Variants in ARID2 observed in about 807,000 individuals in gnomAD.
ARID2 encodes the protein AT-rich interaction domain 2.
Under a neutral mutation model 184.6 loss-of-function variants are expected in ARID2, and 32 were observed. The observed-to-expected ratio is 0.17, with a 90% confidence interval of 0.13 to 0.23. The LOEUF (loss-of-function observed/expected upper bound fraction) is 0.23. Ranked by LOEUF, ARID2 falls within the 10% of genes least tolerant of loss-of-function variation. The probability of loss-of-function intolerance (pLI) is 1.00; values close to 1 mark genes in which losing one functional copy is unlikely to be tolerated. For synonymous variants in ARID2, 836 were observed against 772.6 expected (o/e 1.08, Z -1.36); for missense variants, 1,696 against 2,197.6 (o/e 0.77, Z 4.56).
At chr12:45,754,113 C>G (rs1402827491) in intron 3 of ARID2, among the ~76,000 whole-genome samples, 2 of 152,120 alleles carry the variant, frequency 1.3e-5, no homozygotes, top group Non-Finnish European at 2.9e-5. Context: ...TGAATACATT[C>G]TGGTTTAGTT....
chr12:45,855,915 T>A (rs1005420108), intron 15 of ARID2, among the ~76,000 whole-genome samples: 2 of 151,850 alleles, frequency 1.3e-5, no homozygotes, highest in Non-Finnish European at 2.9e-5. Context: ...TTTTGTAGAG[T>A]TGGGATCTCC....
intron 3 of ARID2, among the ~76,000 whole-genome samples, chr12:45,792,322 C>T (rs1392763742): frequency 6.6e-6 from 1 of 152,150 alleles, no homozygotes; most frequent in Non-Finnish European, 1.5e-5. Flanking sequence ...TCAAAATACA[C>T]TTCTTAATTT....
chr12:45,747,093 C>G (rs1401051265), intron 3 of ARID2, among the ~76,000 whole-genome samples: 1 of 152,078 alleles, frequency 6.6e-6, no homozygotes, highest in Non-Finnish European at 1.5e-5. Flanking sequence ...AACCTGGAAT[C>G]TAGGCATATT....
chr12:45,810,134 T>C (rs1022317611), intron 3 of ARID2, among the ~76,000 whole-genome samples: 1 of 152,242 alleles, frequency 6.6e-6, no homozygotes, highest in East Asian at 1.9e-4. Flanking sequence ...TAAGTCATTA[T>C]ATATCAATCA....
chr12:45,801,798 G>A (rs1273297591), intron 3 of ARID2, among the ~76,000 whole-genome samples: 1 of 151,850 alleles, frequency 6.6e-6, no homozygotes, highest in Non-Finnish European at 1.5e-5. Flanking sequence ...ATTGGGGGGT[G>A]GGGGACAGAG....
chr12:45,750,315 A>G (rs1316704554), intron 3 of ARID2, among the ~76,000 whole-genome samples: 1 of 152,226 alleles, frequency 6.6e-6, no homozygotes, highest in Non-Finnish European at 1.5e-5. Flanking sequence ...TTATGTGGGT[A>G]CAGTTTGGGG....
chr12:45,785,794 G>C (rs1942186442), intron 3 of ARID2, among the ~76,000 whole-genome samples: 1 of 152,062 alleles, frequency 6.6e-6, no homozygotes, highest in African/African-American at 2.4e-5. Context: ...TTTTGGATAA[G>C]GAATACTCAA....
intron 2 of ARID2, 151 bp from the exon 3 acceptor site, chr12:45,731,066 C>G: frequency 1.6e-6 from 1 of 607,516 alleles, no homozygotes; most frequent in African/African-American, 1.9e-5. Flanking sequence ...TTCAAGAAGC[C>G]CTTGCTTAGT....
intron 6 of ARID2, among the ~76,000 whole-genome samples, chr12:45,835,593 A>ATTC (rs1943205305): frequency 6.6e-6 from 1 of 152,172 alleles, no homozygotes; most frequent in African/African-American, 2.4e-5. Context: ...AGAGTTGAAG[A>ATTC]AATTCTAAAG....
rs1328705436 is a variant in ARID2 at position 45,852,378 on chromosome 12, C to A, written c.4255C>A (p.Pro1419Thr). ...TCAACTAGAAAGAATTTCTAATGGA[C>A]CTGTATTAACTTTGGGTGGTTCATC... ...GDQLERISNG[P>T]VLTLGGSSVS... The change falls in exon 15 of 21, where the codon CCT becomes ACT. Residue 1419 changes from proline (P) to threonine (T), a missense_variant. Pro to Thr is a conservative substitution (Grantham distance 38). This residue lies in a region of ARID2 where 428 missense variants were observed against 409.1 expected (regional missense o/e 1.05). Coordinates refer to ENST00000334344, the MANE Select transcript of ARID2 (RefSeq NM_152641.4). 5 of 1,614,100 alleles carry A rather than the reference C, an allele frequency of 3.1e-6. No homozygotes were observed. Among genetic ancestry groups the A allele is most frequent in the Non-Finnish European group, 4.2e-6 (5 of 1,180,008 alleles).
chr12:45,777,215 G>T (rs1942001410), intron 3 of ARID2, among the ~76,000 whole-genome samples: 1 of 152,032 alleles, frequency 6.6e-6, no homozygotes. Context: ...AAGAAAAGAA[G>T]TCTAAAAATA....
chr12:45,803,739 G>A (rs1052831017), intron 3 of ARID2, among the ~76,000 whole-genome samples: 3 of 152,074 alleles, frequency 2.0e-5, no homozygotes, highest in African/African-American at 7.2e-5. Flanking sequence ...CCACTTTATT[G>A]TTTAGTTTTG....
intron 3 of ARID2, among the ~76,000 whole-genome samples, chr12:45,741,469 T>C (rs1941255495): frequency 6.6e-6 from 1 of 152,236 alleles, no homozygotes; most frequent in Admixed American, 6.5e-5. Flanking sequence ...AGTGTTAGGA[T>C]TACAGGCATG....
chr12:45,797,863 T>G (rs12814764), intron 3 of ARID2, among the ~76,000 whole-genome samples: 3 of 152,004 alleles, frequency 2.0e-5, no homozygotes, highest in Non-Finnish European at 4.4e-5. Context: ...TTAAATATTG[T>G]ATCTTTTAAT....
intron 3 of ARID2, among the ~76,000 whole-genome samples, chr12:45,737,806 C>T (rs1429678089): frequency 6.6e-6 from 1 of 152,036 alleles, no homozygotes. Flanking sequence ...GGGTTACATC[C>T]AGAACAAAAC....
chr12:45,808,732 C>CGTGCGTGTGTGT (rs1436235238), intron 3 of ARID2, among the ~76,000 whole-genome samples: 1 of 146,488 alleles, frequency 6.8e-6, no homozygotes, highest in African/African-American at 2.5e-5. Flanking sequence ...TGTGTGTTTG[C>CGTGCGTGTGTGT]GTGCGTGTGT....
chr12:45,852,875 T>C lies in ARID2; in HGVS notation c.4752T>C (p.Tyr1584=), dbSNP rs746486101. The C allele has an allele frequency of 1.7e-5, 27 of 1,591,086 alleles. No individual in the cohort carries two copies. Among genetic ancestry groups the C allele is most frequent in the Non-Finnish European group, 2.1e-5 (25 of 1,166,746 alleles). Residue 1584 remains tyrosine, a synonymous_variant, in exon 15 of 21, where the codon TAT becomes TAC. Transcript: ENST00000334344. The part of the protein sequence containing the change: ...VQQKQQHPPT[Y]VQNVVPQNTP... ...AAAAGCAACAGCATCCACCAACATA[T>C]GTACAGAATGTGGTCCCGCAGGTAA...
At chr12:45,861,027 T>TAG (rs1943737280) in intron 16 of ARID2, 78 bp downstream of exon 16, 1 of 1,300,060 alleles carries the variant, frequency 7.7e-7, no homozygotes, top group African/African-American at 1.5e-5. Context: ...CTGTCATCTA[T>TAG]AGTTGCATGA....
intron 3 of ARID2, among the ~76,000 whole-genome samples, chr12:45,792,895 TC>T (rs1942318911): frequency 6.6e-6 from 1 of 152,228 alleles, no homozygotes; most frequent in Admixed American, 6.5e-5. Context: ...ATTTCAACCT[TC>T]TGGATAAAAA....
Sources: allele counts gnomAD v4.1 joint callset (sites outside exome capture counted in the v4.1 genomes callset), GRCh38; gene constraint gnomAD v4.1.1; regional missense constraint gnomAD v4.1.1; transcripts MANE v1.5; gene names NCBI Gene and HGNC (gene_info 2026-07-23, HGNC 2026-07-21).